ANO4: variants seen among roughly 807,000 people sequenced by gnomAD.
The protein encoded by ANO4 is anoctamin 4.
In ANO4, 69 loss-of-function variants were observed where a neutral mutation model predicts 141.9. The ratio of observed to expected loss-of-function variants is 0.49; its 90% CI spans 0.40 to 0.59. The LOEUF (loss-of-function observed/expected upper bound fraction) is 0.59. Among genes scored for constraint, ANO4 ranks in the 20% least tolerant of loss-of-function variants. The probability of loss-of-function intolerance (pLI) is 0.00; values close to 1 mark genes in which losing one functional copy is unlikely to be tolerated. For synonymous variants in ANO4, 350 were observed against 394.3 expected, an observed-to-expected ratio of 0.89 and a Z score of 1.33; for missense variants, 894 against 1,162.2, an observed-to-expected ratio of 0.77 and a Z score of 3.36.
At chr12:101,074,392 G>A (rs1415156413) in intron 14 of ANO4, among the ~76,000 whole-genome samples, 1 of 152,100 alleles carries the variant, frequency 6.6e-6, no homozygotes, top group Non-Finnish European at 1.5e-5. Flanking sequence ...AAGTGGATAC[G>A]GAAAAAGCAC....
chr12:101,019,913 GAC>G, intron 8 of ANO4, 119 bp from the exon 9 acceptor site: 2 of 762,128 alleles, frequency 2.6e-6, no homozygotes, highest in Non-Finnish European at 4.5e-6. Flanking sequence ...GGCTGTTCCA[GAC>G]ACACCCTGTC....
At chr12:100,934,699 G>T (rs1196748126) in intron 3 of ANO4, among the ~76,000 whole-genome samples, 3 of 152,108 alleles carry the variant, frequency 2.0e-5, no homozygotes, top group Admixed American at 6.5e-5. Context: ...CCATTTTCAT[G>T]ATATTGACTC....
In ANO4 at chr12:100,945,915, GA is replaced by G. The variant is rs142245288; in HGVS notation, c.456+3389del. On this transcript the variant is annotated intron_variant, in intron 5 of 27. Transcript: ENST00000392977. ...GATCTCAGCAGCAACAAATAAAACA[GA>G]AAAAAAAATCCCTGCTTTGTTGGAA... is the stretch of plus-strand genomic sequence containing the variant. 3.5e-4 allele frequency among the ~76,000 whole-genome samples: 53 copies of G among 150,406 alleles called. 1 individual carries two copies. In the South Asian group the frequency reaches 0.011, roughly 30 times the overall value.
At chr12:100,733,794 A>G in exon 2 of ANO4, 1 of 702,166 alleles carries the variant, frequency 1.4e-6, no homozygotes, top group Non-Finnish European at 2.6e-6. Flanking sequence ...GAGCAGCGGA[A>G]GTTATAACCT....
chr12:101,039,572 C>T (rs1279605986), intron 10 of ANO4, among the ~76,000 whole-genome samples: 2 of 152,180 alleles, frequency 1.3e-5, no homozygotes, highest in African/African-American at 4.8e-5. Context: ...GGCATGGCCC[C>T]TGGGCCAGAC....
chr12:100,948,062 C>T (rs566621316), intron 5 of ANO4, among the ~76,000 whole-genome samples: 24 of 144,076 alleles, frequency 1.7e-4, no homozygotes, highest in South Asian at 1.4e-3. Flanking sequence ...GCTGTGGTGG[C>T]GGACGCCTGT....
intron 9 of ANO4, among the ~76,000 whole-genome samples, chr12:101,035,371 A>G (rs1266758004): frequency 2.0e-5 from 3 of 152,184 alleles, no homozygotes; most frequent in Non-Finnish European, 2.9e-5. Flanking sequence ...TGCCCTGGAG[A>G]TAGCACGGGG....
intron 1 of ANO4, among the ~76,000 whole-genome samples, chr12:100,876,278 C>CAAAAAAAAAAAAAAAAA (rs79799106): frequency 1.1e-5 from 1 of 91,946 alleles, no homozygotes; most frequent in African/African-American, 4.0e-5. Context: ...ATATAAAGAC[C>CAAAAAAAAAAAAAAAAA]AAAAAAAAAA....
chr12:101,102,286 A>T (rs918974118), intron 22 of ANO4, among the ~76,000 whole-genome samples: 1 of 152,172 alleles, frequency 6.6e-6, no homozygotes, highest in Non-Finnish European at 1.5e-5. Flanking sequence ...GTTTGTCTTT[A>T]ATAAACACTT....
At chr12:101,048,512 A>C in intron 14 of ANO4, 111 bp downstream of exon 14, 1 of 944,798 alleles carries the variant, frequency 1.1e-6, no homozygotes, top group Non-Finnish European at 1.6e-6. Flanking sequence ...AAATGGAATT[A>C]GCTTTCCTAT....
chr12:100,957,633 C>T (rs1477940517), intron 5 of ANO4, among the ~76,000 whole-genome samples: 2 of 152,108 alleles, frequency 1.3e-5, no homozygotes, highest in African/African-American at 4.8e-5. Flanking sequence ...CTCTGTTGCC[C>T]AGGCTGGAGT....
intron 1 of ANO4, among the ~76,000 whole-genome samples, chr12:100,731,080 A>G (rs1252502473): frequency 1.3e-5 from 2 of 152,178 alleles, no homozygotes; most frequent in Non-Finnish European, 2.9e-5. Context: ...TTCTCTGTCA[A>G]TCCACATTGT....
intron 7 of ANO4, among the ~76,000 whole-genome samples, chr12:100,980,328 A>G (rs2044402728): frequency 6.6e-6 from 1 of 152,212 alleles, no homozygotes; most frequent in Non-Finnish European, 1.5e-5. Context: ...GTACATTTAA[A>G]ATCCACGTTG....
intron 1 of ANO4, among the ~76,000 whole-genome samples, chr12:100,873,603 GTGGCTGCTT>G (rs1347813526): frequency 3.3e-5 from 5 of 152,196 alleles, no homozygotes; most frequent in African/African-American, 1.2e-4. Flanking sequence ...AAGATGTGGT[GTGGCTGCTT>G]CTAGCAGCCC....
chr12:101,029,907 T>TAAAAAAAAAAAAA (rs59678820), intron 9 of ANO4, among the ~76,000 whole-genome samples: 7 of 96,198 alleles, frequency 7.3e-5, no homozygotes, highest in Non-Finnish European at 1.1e-4. Flanking sequence ...AGTCTCCGTC[T>TAAAAAAAAAAAAA]AAAAAAAAAA....
intron 5 of ANO4, among the ~76,000 whole-genome samples, chr12:100,968,528 G>A (rs980863552): frequency 3.3e-5 from 5 of 152,094 alleles, no homozygotes; most frequent in Non-Finnish European, 7.4e-5. Flanking sequence ...AGGAAGATGA[G>A]TGAATATAGA....
chr12:100,922,343 C>A lies in ANO4; in HGVS notation c.160+13C>A, dbSNP rs559027062. 6 of 1,505,912 alleles carry A rather than the reference C, an allele frequency of 4.0e-6. No individual in the cohort carries two copies. Among genetic ancestry groups the A allele is most frequent in the Admixed American group, 2.2e-5 (1 of 45,356 alleles). The allele number at this position is 1,505,912 out of a possible 1,614,324, so 93.3% of individuals were successfully genotyped here. ...GCAATACAAGAAAGTAAGTTTCACT[C>A]AAATTTTAAATTCGCCGTGAGAGAA... On this transcript the variant is annotated intron_variant, in intron 3 of 27. Transcript: ENST00000392977.
chr12:100,749,060 AG>A (rs1361136331), intron 3 of ANO4, among the ~76,000 whole-genome samples: 1 of 152,160 alleles, frequency 6.6e-6, no homozygotes, highest in African/African-American at 2.4e-5. Flanking sequence ...TCACAGTGGA[AG>A]GGAAGGCAAA....
intron 1 of ANO4, among the ~76,000 whole-genome samples, chr12:100,869,814 CTT>C (rs2038945382): frequency 6.6e-6 from 1 of 152,196 alleles, no homozygotes; most frequent in African/African-American, 2.4e-5. Flanking sequence ...ACTCAACAGT[CTT>C]TATAGTCACT....
Sources: allele counts gnomAD v4.1 joint callset (sites outside exome capture counted in the v4.1 genomes callset), GRCh38; gene constraint gnomAD v4.1.1; transcripts MANE v1.5; gene names NCBI Gene and HGNC (gene_info 2026-07-23, HGNC 2026-07-21).